ARHGEF9: variants seen among roughly 807,000 people sequenced by gnomAD.
The protein encoded by ARHGEF9 is rho guanine nucleotide exchange factor 9.
Under a neutral mutation model 41.3 loss-of-function variants are expected in ARHGEF9, and 2 were observed. The observed-to-expected ratio is 0.05, with a 90% CI of 0.02 to 0.15. ARHGEF9 has a LOEUF of 0.15. ARHGEF9 is among the 10% of genes least tolerant of loss of function. ARHGEF9 has a pLI of 1.00. For synonymous variants in ARHGEF9, 160 were observed against 154.4 expected, an observed-to-expected ratio of 1.04 and a Z score of -0.27; for missense variants, 225 against 424.7, an observed-to-expected ratio of 0.53 and a Z score of 4.13.
chrX:63,676,525 A>G (rs2050270399), intron 5 of ARHGEF9, among the ~76,000 whole-genome samples: 1 of 112,212 alleles, frequency 8.9e-6, no homozygotes, highest in African/African-American at 3.2e-5. Flanking sequence ...AGTTGCTCCA[A>G]TGTATGGGGA....
chrX:63,636,723 G>C lies in ARHGEF9; in HGVS notation c.*1305C>G. The C allele has an allele frequency of 3.4e-6, 1 of 293,400 alleles. No individual in the cohort carries two copies. Among genetic ancestry groups the C allele is most frequent in the Non-Finnish European group, 6.0e-6 (1 of 167,939 alleles). 24.2% of individuals were successfully genotyped at this position (293,400 alleles called of 1,213,427 possible). ...ATGGGAGAAGTCTCACACAATTTTAGGGTGGTAGAAAATGCAGGTACAATA... is the reference window on the plus strand; with the variant it reads ...ATGGGAGAAGTCTCACACAATTTTACGGTGGTAGAAAATGCAGGTACAATA... On this transcript the variant is annotated 3_prime_UTR_variant, in exon 10 of 10. Coordinates refer to ENST00000671741, the MANE Select transcript of ARHGEF9 (RefSeq NM_001353921.2).
intron 3 of ARHGEF9, among the ~76,000 whole-genome samples, chrX:63,702,479 A>G (rs1406897629): frequency 8.9e-5 from 10 of 112,489 alleles, no homozygotes; most frequent in Non-Finnish European, 1.9e-4. Flanking sequence ...AATAACTTCA[A>G]TTAAAAACCC....
intron 1 of ARHGEF9, chrX:63,754,353 C>T (rs781816613): frequency 8.3e-6 from 10 of 1,209,470 alleles, no homozygotes; most frequent in Non-Finnish European, 1.1e-5. Flanking sequence ...AAAACGTTTT[C>T]CCCCCTGAGT....
chrX:63,724,853 CAAAA>C, intron 1 of ARHGEF9, 142 bp from the exon 2 acceptor site: 1 of 564,693 alleles, frequency 1.8e-6, no homozygotes, highest in South Asian at 2.8e-5. Flanking sequence ...GGCACTGGAA[CAAAA>C]GTTCCATTAG....
chrX:63,731,423 G>A (rs2054272801), intron 1 of ARHGEF9, among the ~76,000 whole-genome samples: 1 of 110,767 alleles, frequency 9.0e-6, no homozygotes, highest in Admixed American at 9.5e-5. Flanking sequence ...TTGGGAAGGT[G>A]TGAACCAGGC....
intron 6 of ARHGEF9, among the ~76,000 whole-genome samples, chrX:63,671,869 C>G (rs1199765406): frequency 9.8e-5 from 11 of 112,191 alleles, no homozygotes; most frequent in Non-Finnish European, 1.9e-4. Flanking sequence ...ATATATCCAT[C>G]AGGCTTTACT....
intron 1 of ARHGEF9, among the ~76,000 whole-genome samples, chrX:63,737,519 T>G (rs2054689900): frequency 8.9e-6 from 1 of 111,839 alleles, no homozygotes; most frequent in South Asian, 3.8e-4. Flanking sequence ...ACCTGAGTAT[T>G]TCAAAATTTT....
chrX:63,779,339 T>C (rs1388244420), intron 1 of ARHGEF9, among the ~76,000 whole-genome samples: 3 of 112,328 alleles, frequency 2.7e-5, no homozygotes, highest in African/African-American at 6.5e-5. Context: ...CAGTTCCACA[T>C]GGGTGGGGAG....
chrX:63,648,686 G>T (rs2048305612), intron 8 of ARHGEF9, among the ~76,000 whole-genome samples: 1 of 111,404 alleles, frequency 9.0e-6, no homozygotes, highest in Non-Finnish European at 1.9e-5. Flanking sequence ...ACCCATCAGT[G>T]TGCTGTATTC....
At chrX:63,735,989 G>A (rs2054598221) in intron 1 of ARHGEF9, among the ~76,000 whole-genome samples, 1 of 112,066 alleles carries the variant, frequency 8.9e-6, no homozygotes, top group East Asian at 2.8e-4. Flanking sequence ...AGCCTTTTAT[G>A]CTCAGGAATG....
intron 1 of ARHGEF9, among the ~76,000 whole-genome samples, chrX:63,763,492 C>G (rs1354085828): frequency 1.0e-5 from 1 of 96,574 alleles, no homozygotes; most frequent in East Asian, 3.4e-4. Flanking sequence ...GTTTATCAAG[C>G]TAGGAAGATC....
intron 1 of ARHGEF9, among the ~76,000 whole-genome samples, chrX:63,777,989 G>A (rs1556459780): frequency 8.9e-6 from 1 of 112,515 alleles, no homozygotes; most frequent in East Asian, 2.8e-4. Context: ...GAGGACAGTG[G>A]CCCTCTTCTC....
intron 2 of ARHGEF9, among the ~76,000 whole-genome samples, chrX:63,720,577 T>C (rs1436261885): frequency 8.9e-6 from 1 of 112,606 alleles, no homozygotes; most frequent in Non-Finnish European, 1.9e-5. Context: ...GACATTAAAC[T>C]TATTAGACAA....
At chrX:63,740,011 A>G (rs1355386847) in intron 1 of ARHGEF9, among the ~76,000 whole-genome samples, 1 of 111,586 alleles carries the variant, frequency 9.0e-6, no homozygotes, top group Admixed American at 9.5e-5. Flanking sequence ...AATGGCCATG[A>G]GCACAAACAC....
At chrX:63,695,615 C>T (rs1476882781) in intron 4 of ARHGEF9, among the ~76,000 whole-genome samples, 5 of 111,788 alleles carry the variant, frequency 4.5e-5, no homozygotes, top group East Asian at 2.8e-4. Context: ...AAAGAGTTAT[C>T]GTATCAGGCC....
At chrX:63,708,281 G>T (rs1304087767) in intron 2 of ARHGEF9, among the ~76,000 whole-genome samples, 3 of 112,143 alleles carry the variant, frequency 2.7e-5, no homozygotes, top group Non-Finnish European at 5.6e-5. Flanking sequence ...TATGGAAAGG[G>T]TAACATAGGC....
intron 2 of ARHGEF9, among the ~76,000 whole-genome samples, chrX:63,715,183 G>A (rs1452004676): frequency 3.6e-5 from 4 of 112,042 alleles, no homozygotes; most frequent in South Asian, 3.7e-4. Context: ...CTGCTTAGAC[G>A]TTGATAGAAT....
chrX:63,705,357 ATGTGTGTGTG>A (rs58549005), intron 3 of ARHGEF9, among the ~76,000 whole-genome samples: 40 of 82,085 alleles, frequency 4.9e-4, no homozygotes, highest in Non-Finnish European at 6.1e-4. Context: ...ATAAGAGAGA[ATGTGTGTGTG>A]TGTGTGTGTG....
chrX:63,719,993 T>C (rs1295257562), intron 2 of ARHGEF9: 6 of 250,255 alleles, frequency 2.4e-5, no homozygotes, highest in Middle Eastern at 2.2e-3. Flanking sequence ...GGAATAAGGA[T>C]TCATAAGGGC....
Sources: gnomAD v4.1 joint callset for allele counts (sites outside exome capture counted in the v4.1 genomes callset) on GRCh38, gnomAD v4.1.1 for gene constraint, MANE v1.5 for transcripts, NCBI Gene and HGNC (gene_info 2026-07-23, HGNC 2026-07-21) for gene names.